ATF6: variants seen among roughly 807,000 people sequenced by gnomAD.
The protein encoded by ATF6 is activating transcription factor 6.
A neutral mutation model predicts 83.6 loss-of-function variants in ATF6; 53 were observed. The observed-to-expected ratio is 0.63, with a 90% CI of 0.51 to 0.80. The LOEUF (loss-of-function observed/expected upper bound fraction) is 0.80, where lower values mean the gene tolerates loss of function less well. ATF6 is among the 30% of genes least tolerant of loss of function. The pLI, the probability that ATF6 is intolerant of heterozygous loss-of-function variation, is 0.00. For synonymous variants in ATF6, 288 were observed against 285.8 expected (o/e 1.01, Z -0.08); for missense variants, 744 against 797.9 (o/e 0.93, Z 0.81).
At position 161,959,921 on chromosome 1, in the gene ATF6, A is replaced by G. The variant is rs1241156750; in HGVS notation, c.*1267A>G. ...GGAAGTAACTTTAGACTTAAACAAG[A>G]CAAAAGTTTTTTCACTGAAGAATTG... On this transcript the variant is annotated 3_prime_UTR_variant, in exon 16 of 16. Transcript: ENST00000367942. The G allele has an allele frequency of 1.3e-5, 2 of 152,206 alleles. No individual in the cohort carries two copies. The highest frequency in any genetic ancestry group is 1.9e-4 in the East Asian group (1 of 5,204). The allele number at this position is 152,206 out of a possible 1,614,324, so 9.4% of individuals were successfully genotyped here. A position where few individuals can be genotyped will look rare whatever the true frequency, so the allele number is the denominator to read the frequency against.
At chr1:161,829,982 G>C (rs1686010580) in intron 9 of ATF6, among the ~76,000 whole-genome samples, 1 of 152,050 alleles carries the variant, frequency 6.6e-6, no homozygotes, top group Admixed American at 6.5e-5. Context: ...AGAAATAAAG[G>C]GTATTCAATT....
At chr1:161,877,874 T>A (rs1282166196) in intron 14 of ATF6, among the ~76,000 whole-genome samples, 2 of 152,152 alleles carry the variant, frequency 1.3e-5, no homozygotes, top group Non-Finnish European at 2.9e-5. Context: ...ATTAGATGTG[T>A]TCAGATTTCT....
intron 15 of ATF6, among the ~76,000 whole-genome samples, chr1:161,946,738 T>G (rs1297024348): frequency 1.3e-5 from 2 of 152,232 alleles, no homozygotes; most frequent in African/African-American, 2.4e-5. Flanking sequence ...GTATTTATAA[T>G]TTTTAATGTG....
At chr1:161,953,884 A>C (rs1183629864) in intron 15 of ATF6, among the ~76,000 whole-genome samples, 1 of 152,202 alleles carries the variant, frequency 6.6e-6, no homozygotes, top group African/African-American at 2.4e-5. Flanking sequence ...TTCATTTCTA[A>C]AAGTATTTTA....
Position 161,959,804 on chromosome 1 carries a change from A to C in ATF6, c.*1150A>C, listed in dbSNP as rs1689058167. ...CACACATACTTATGTTTTCTCTACT[A>C]ATCTGGTCCAGGTCCTCATGGACCA... is the stretch of plus-strand genomic sequence containing the variant. On this transcript the variant is annotated 3_prime_UTR_variant, in exon 16 of 16. Transcript: ENST00000367942. The C allele has an allele frequency of 6.6e-6, 1 of 152,168 alleles. No homozygotes were observed. The highest frequency in any genetic ancestry group is 2.4e-5 in the African/African-American group (1 of 41,430). The allele number at this position is 152,168 out of a possible 1,614,324, so 9.4% of individuals were successfully genotyped here. A position where few individuals can be genotyped will look rare whatever the true frequency, so the allele number is the denominator to read the frequency against.
chr1:161,823,028 T>C (rs1211294412), intron 9 of ATF6, among the ~76,000 whole-genome samples: 1 of 152,174 alleles, frequency 6.6e-6, no homozygotes, highest in African/African-American at 2.4e-5. Flanking sequence ...TTTTTTGTAG[T>C]GTAAATGTGC....
chr1:161,832,496 C>A (rs1488588392), intron 9 of ATF6, among the ~76,000 whole-genome samples: 2 of 152,170 alleles, frequency 1.3e-5, no homozygotes, highest in African/African-American at 4.8e-5. Flanking sequence ...CAGGTAGTTC[C>A]CTTTCCTAGT....
At chr1:161,853,170 C>CATTTCTATGTTTAATTA in intron 11 of ATF6, 54 bp from the exon 12 acceptor site, 1 of 1,265,838 alleles carries the variant, frequency 7.9e-7, no homozygotes, top group Non-Finnish European at 1.1e-6. Flanking sequence ...GTGAAACATC[C>CATTTCTATGTTTAATTA]ATTTCTATGT....
chr1:161,805,463 G>A (rs964845633), intron 7 of ATF6, among the ~76,000 whole-genome samples: 4 of 152,112 alleles, frequency 2.6e-5, no homozygotes, highest in African/African-American at 7.2e-5. Context: ...ACATCGAGAC[G>A]TGAGCCAAGC....
At chr1:161,854,346 T>G (rs189606802) in intron 12 of ATF6, among the ~76,000 whole-genome samples, 1 of 152,340 alleles carries the variant, frequency 6.6e-6, no homozygotes, top group East Asian at 1.9e-4. Flanking sequence ...ATTCTTTGCT[T>G]CTTGCTTGAG....
intron 14 of ATF6, among the ~76,000 whole-genome samples, chr1:161,907,124 A>G (rs1013186659): frequency 6.6e-6 from 1 of 152,190 alleles, no homozygotes; most frequent in Admixed American, 6.5e-5. Flanking sequence ...TATAACTACT[A>G]GAAAACAACA....
At chr1:161,927,808 T>C (rs1165062968) in intron 15 of ATF6, among the ~76,000 whole-genome samples, 1 of 152,198 alleles carries the variant, frequency 6.6e-6, no homozygotes, top group Non-Finnish European at 1.5e-5. Flanking sequence ...TATGAAATAA[T>C]AATTGGAATA....
At chr1:161,911,655 A>C (rs907073404) in intron 14 of ATF6, among the ~76,000 whole-genome samples, 1 of 152,212 alleles carries the variant, frequency 6.6e-6, no homozygotes, top group African/African-American at 2.4e-5. Context: ...ATAAATGTCT[A>C]ATTCTGTGGT....
intron 14 of ATF6, among the ~76,000 whole-genome samples, chr1:161,880,347 T>G (rs1350338397): frequency 1.3e-5 from 2 of 152,040 alleles, no homozygotes. Flanking sequence ...TGTGTGTGTG[T>G]GTGTATATAT....
In ATF6 at chr1:161,818,857, T is replaced by C. The variant is rs1168573671; in HGVS notation, c.910-776T>C. ...GCAGGGATACATGACTAGCTTGTTT[T>C]TGCAATTGAGTAGTAAGATAAAAAT... On this transcript the variant is annotated intron_variant, in intron 7 of 15. Coordinates refer to ENST00000367942, the MANE Select transcript of ATF6 (RefSeq NM_007348.4). 2.0e-5 allele frequency among the ~76,000 whole-genome samples: 3 copies of C among 152,220 alleles called. No individual in the cohort carries two copies. The South Asian group carries it at 6.2e-4, about 31-fold the overall frequency.
At chr1:161,769,275 A>G (rs953850066) in intron 1 of ATF6, among the ~76,000 whole-genome samples, 2 of 152,230 alleles carry the variant, frequency 1.3e-5, no homozygotes, top group Admixed American at 6.5e-5. Flanking sequence ...ATAATTATAG[A>G]TTTACACAAT....
intron 15 of ATF6, among the ~76,000 whole-genome samples, chr1:161,944,554 C>T (rs534928782): frequency 2.2e-4 from 33 of 152,220 alleles, no homozygotes; most frequent in Middle Eastern, 3.4e-3. Context: ...CTCCTTTTAT[C>T]ATCATTACCG....
At chr1:161,859,487 A>C (rs1045159581) in intron 12 of ATF6, among the ~76,000 whole-genome samples, 2 of 152,344 alleles carry the variant, frequency 1.3e-5, no homozygotes, top group African/African-American at 2.4e-5. Context: ...GTAATGAACA[A>C]ATGATTAAAA....
chr1:161,845,402 A>G (rs1686459927), intron 9 of ATF6, among the ~76,000 whole-genome samples: 1 of 152,120 alleles, frequency 6.6e-6, no homozygotes, highest in South Asian at 2.1e-4. Context: ...GTTGCATCAT[A>G]AAACAAAGTG....
Sources: allele counts gnomAD v4.1 joint callset (sites outside exome capture counted in the v4.1 genomes callset), GRCh38; gene constraint gnomAD v4.1.1; transcripts MANE v1.5; gene names NCBI Gene and HGNC (gene_info 2026-07-23, HGNC 2026-07-21).